The following XPR1 variants were observed in gnomAD, a reference collection of about 807,000 sequenced individuals.
XPR1 encodes solute carrier family 53 member 1.
XPR1 carries 28 observed loss-of-function variants against 87.5 expected under a neutral mutation model. That is an observed-to-expected ratio of 0.32 (90% CI 0.24 to 0.44). The LOEUF (loss-of-function observed/expected upper bound fraction) is 0.44. Among genes scored for constraint, XPR1 ranks in the 20% least tolerant of loss-of-function variants. The pLI is 1.00. For synonymous variants in XPR1, 300 were observed against 306.1 expected (o/e 0.98, Z 0.21); for missense variants, 559 against 862.3 (o/e 0.65, Z 4.41).
chr1:180,803,205 T>TG (rs1262930087), intron 3 of XPR1, among the ~76,000 whole-genome samples, 183 bp from the exon 4 acceptor site: 1 of 152,188 alleles, frequency 6.6e-6, no homozygotes, highest in Admixed American at 6.5e-5. Context: ...TGAGGTTTTA[T>TG]GGGGGGTAAA....
At chr1:180,704,668 C>T (rs934289914) in intron 2 of XPR1, among the ~76,000 whole-genome samples, 2 of 151,610 alleles carry the variant, frequency 1.3e-5, no homozygotes, top group African/African-American at 4.8e-5. Context: ...GGAGCCTATT[C>T]AGTTGGTTTT....
At chr1:180,638,625 T>A (rs1272015192) in intron 1 of XPR1, among the ~76,000 whole-genome samples, 2 of 152,220 alleles carry the variant, frequency 1.3e-5, no homozygotes, top group Non-Finnish European at 2.9e-5. Context: ...CATTAAATGC[T>A]AGCTTTCAGT....
intron 1 of XPR1, among the ~76,000 whole-genome samples, chr1:180,666,521 A>G (rs1288659575): frequency 6.6e-6 from 1 of 152,194 alleles, no homozygotes; most frequent in African/African-American, 2.4e-5. Flanking sequence ...GTTAATTACT[A>G]AGTATTTTAT....
chr1:180,832,844 G>C (rs896482322), intron 9 of XPR1, among the ~76,000 whole-genome samples: 7 of 152,088 alleles, frequency 4.6e-5, no homozygotes, highest in African/African-American at 1.7e-4. Flanking sequence ...TGGCTATGTG[G>C]GCTCTTTTTT....
chr1:180,853,916 C>G (rs1160877956), intron 11 of XPR1, among the ~76,000 whole-genome samples: 2 of 146,974 alleles, frequency 1.4e-5, no homozygotes, highest in Non-Finnish European at 3.0e-5. Flanking sequence ...ACAGTTAAAA[C>G]AGCTATAGGA....
intron 11 of XPR1, among the ~76,000 whole-genome samples, chr1:180,843,365 C>G (rs1016272123): frequency 2.0e-5 from 3 of 151,664 alleles, no homozygotes. Flanking sequence ...TAAAGTAGCT[C>G]AAATTTTTAA....
chr1:180,819,095 A>G (rs949608997), intron 7 of XPR1, among the ~76,000 whole-genome samples: 18 of 152,054 alleles, frequency 1.2e-4, no homozygotes, highest in African/African-American at 4.1e-4. Flanking sequence ...GAATACAAGT[A>G]TGGAGTAGCA....
In XPR1 at chr1:180,868,457, T is replaced by C. The variant is rs1288655208; in HGVS notation, c.1668+4583T>C. Among the ~76,000 whole-genome samples the C allele has an allele frequency of 5.5e-4, 14 of 25,666 alleles. No homozygotes were observed. In the Admixed American group the frequency reaches 5.6e-3, roughly 10 times the overall value. 16.8% of individuals were successfully genotyped at this position (25,666 alleles called of 152,430 possible). A position where few individuals can be genotyped will look rare whatever the true frequency, so the allele number is the denominator to read the frequency against. ...CTTCCTACCCATGAGCATGGAATGTTCTTCCATTTGTTTGTGTCCTCTTTT... is the reference window on the plus strand; with the variant it reads ...CTTCCTACCCATGAGCATGGAATGTCCTTCCATTTGTTTGTGTCCTCTTTT... On this transcript the variant is annotated intron_variant, in intron 12 of 14. Coordinates refer to ENST00000367590, the MANE Select transcript of XPR1 (RefSeq NM_004736.4).
chr1:180,692,471 A>T (rs992877872), intron 2 of XPR1, among the ~76,000 whole-genome samples: 1 of 152,154 alleles, frequency 6.6e-6, no homozygotes, highest in African/African-American at 2.4e-5. Flanking sequence ...AAAAGTTCTG[A>T]TTGATACTCA....
At chr1:180,729,966 G>A (rs561349019) in intron 2 of XPR1, among the ~76,000 whole-genome samples, 1 of 152,164 alleles carries the variant, frequency 6.6e-6, no homozygotes, top group African/African-American at 2.4e-5. Context: ...TCTTTGCCGG[G>A]GTCTATGTCC....
At chr1:180,653,628 A>G (rs1238930518) in intron 1 of XPR1, among the ~76,000 whole-genome samples, 4 of 152,196 alleles carry the variant, frequency 2.6e-5, no homozygotes, top group Admixed American at 6.5e-5. Context: ...GTTTCTATAC[A>G]TACATACCTA....
At chr1:180,639,211 C>A (rs1654883670) in intron 1 of XPR1, among the ~76,000 whole-genome samples, 1 of 151,912 alleles carries the variant, frequency 6.6e-6, no homozygotes, top group Non-Finnish European at 1.5e-5. Flanking sequence ...TTGCTTGAAC[C>A]CAGGAGGCGG....
intron 11 of XPR1, among the ~76,000 whole-genome samples, chr1:180,860,877 A>C (rs1652197206): frequency 6.6e-6 from 1 of 152,080 alleles, no homozygotes; most frequent in Non-Finnish European, 1.5e-5. Context: ...TAAGAATTAC[A>C]CTCTAAGGAT....
chr1:180,635,662 G>GTTAAGCCTTAAT (rs1654736138), intron 1 of XPR1, among the ~76,000 whole-genome samples: 2 of 152,170 alleles, frequency 1.3e-5, no homozygotes, highest in Admixed American at 1.3e-4. Flanking sequence ...GGAAACTAAG[G>GTTAAGCCTTAAT]TCCAGAGGGG....
rs1652097916 is a variant in XPR1 at position 180,858,154 on chromosome 1, G to A, written c.1502-5554G>A. 2.0e-5 allele frequency among the ~76,000 whole-genome samples: 3 copies of A among 152,182 alleles called. No homozygotes were observed. In the South Asian group the frequency reaches 6.2e-4, roughly 31 times the overall value. ...TCGCTTGAACCAGGAGGTGGAGGTT[G>A]CGGTGAGCCTAGATTGCACCATTGC... On this transcript the variant is annotated intron_variant, in intron 11 of 14. Coordinates refer to ENST00000367590, the MANE Select transcript of XPR1 (RefSeq NM_004736.4).
chr1:180,856,178 G>A (rs1652025254), intron 11 of XPR1, among the ~76,000 whole-genome samples: 1 of 151,714 alleles, frequency 6.6e-6, no homozygotes, highest in South Asian at 2.1e-4. Context: ...TAACTCTATA[G>A]TAATTAACAC....
In XPR1 at chr1:180,831,413, A is replaced by G. The variant is rs186641032; in HGVS notation, c.1135-3461A>G. 2.3e-3 allele frequency among the ~76,000 whole-genome samples: 125 copies of G among 54,022 alleles called. No homozygotes were observed. In the East Asian group the frequency reaches 0.044, roughly 19 times the overall value. The allele number at this position is 54,022 out of a possible 152,430, so 35.4% of individuals were successfully genotyped here. ...ATGGGTGAATTTCTTTTTTTTATATATACTTTAAGTTCTGGGGTACATGTG... is the reference window on the plus strand; with the variant it reads ...ATGGGTGAATTTCTTTTTTTTATATGTACTTTAAGTTCTGGGGTACATGTG... On this transcript the variant is annotated intron_variant, in intron 9 of 14. Coordinates refer to ENST00000367590, the MANE Select transcript of XPR1 (RefSeq NM_004736.4).
chr1:180,651,598 A>G (rs910818995), intron 1 of XPR1, among the ~76,000 whole-genome samples: 1 of 152,146 alleles, frequency 6.6e-6, no homozygotes, highest in Non-Finnish European at 1.5e-5. Flanking sequence ...CTTAGATTTG[A>G]TAAAATACAA....
At chr1:180,645,487 T>G (rs1489325075) in intron 1 of XPR1, among the ~76,000 whole-genome samples, 1 of 152,176 alleles carries the variant, frequency 6.6e-6, no homozygotes, top group Non-Finnish European at 1.5e-5. Flanking sequence ...ACAGATTGAG[T>G]TTGTTGAGCA....
Sources: gnomAD v4.1 joint callset for allele counts (sites outside exome capture counted in the v4.1 genomes callset) on GRCh38, gnomAD v4.1.1 for gene constraint, MANE v1.5 for transcripts, NCBI Gene and HGNC (gene_info 2026-07-23, HGNC 2026-07-21) for gene names.